The following CUL4B variants were observed in gnomAD, a reference collection of about 807,000 sequenced individuals.
CUL4B encodes cullin-4B.
A neutral mutation model predicts 69.2 loss-of-function variants in CUL4B; 1 was observed. The observed-to-expected ratio is 0.01, with a 90% CI of 0.01 to 0.07. The LOEUF (loss-of-function observed/expected upper bound fraction) is 0.07. Ranked by LOEUF, CUL4B falls within the 10% of genes least tolerant of loss-of-function variation. The pLI, the probability that CUL4B is intolerant of heterozygous loss-of-function variation, is 1.00. For missense variants in CUL4B, 328 were observed against 638.8 expected (o/e 0.51, Z 5.24); for synonymous variants, 237 against 223.2 (o/e 1.06, Z -0.55).
At chrX:120,569,551 G>A (rs920108774), downstream of CUL4B, among the ~76,000 whole-genome samples, 29 of 110,600 alleles carry the variant, frequency 2.6e-4, no homozygotes, top group Non-Finnish European at 5.1e-4. Flanking sequence ...TAGTAGAGAC[G>A]GGGTTTCACC....
chrX:120,551,287 C>G (rs778416837), intron 2 of CUL4B, among the ~76,000 whole-genome samples: 1 of 110,266 alleles, frequency 9.1e-6, no homozygotes, highest in South Asian at 3.9e-4. Context: ...CAACCTCTGC[C>G]TCCAGGTTCC....
chrX:120,556,066 C>G (rs1419246028), intron 2 of CUL4B, among the ~76,000 whole-genome samples: 1 of 109,528 alleles, frequency 9.1e-6, no homozygotes, highest in Non-Finnish European at 1.9e-5. Context: ...ATGGACACCA[C>G]AAAGAAAAAA....
At chrX:120,559,691 C>T in intron 1 of CUL4B, 1 of 720,917 alleles carries the variant, frequency 1.4e-6, no homozygotes, top group Non-Finnish European at 1.9e-6. Context: ...ATGTGGCCTA[C>T]TGAAGCATAA....
downstream of CUL4B, among the ~76,000 whole-genome samples, chrX:120,566,491 G>A (rs987977633): frequency 2.7e-4 from 28 of 102,777 alleles, no homozygotes; most frequent in African/African-American, 9.9e-4. Flanking sequence ...TCCACCTCCC[G>A]GGTTCAAGCG....
At chrX:120,559,051 T>C (rs1925138425) in intron 1 of CUL4B, among the ~76,000 whole-genome samples, 1 of 110,912 alleles carries the variant, frequency 9.0e-6, no homozygotes, top group Admixed American at 9.6e-5. Flanking sequence ...ACCATAGCCC[T>C]CTGCTTGAGA....
Position 120,528,646 on chromosome X carries a change from G to A in CUL4B, c.2592+1456C>T, listed in dbSNP as rs577862688. ...TGAGGCAAAAGAATTGCTTGAACCCGGGAGGCAGACGCTGCAGTGAGCCAA... is the reference window on the plus strand; with the variant it reads ...TGAGGCAAAAGAATTGCTTGAACCCAGGAGGCAGACGCTGCAGTGAGCCAA... On this transcript the variant is annotated intron_variant, in intron 19 of 19. Transcript: ENST00000371322. 4.5e-5 allele frequency among the ~76,000 whole-genome samples: 5 copies of A among 110,408 alleles called. No homozygotes were observed. In the South Asian group the frequency reaches 1.5e-3, roughly 34 times the overall value.
At chrX:120,561,446 G>A (rs1457746075), upstream of CUL4B, 1 of 542,022 alleles carries the variant, frequency 1.8e-6, no homozygotes, top group Non-Finnish European at 3.4e-6. Flanking sequence ...TTGAGTGGGG[G>A]GGGGAAGGGG....
intron 9 of CUL4B, 39 bp from the exon 10 acceptor site, chrX:120,541,759 C>T (rs1270623386): frequency 1.2e-6 from 1 of 824,179 alleles, no homozygotes; most frequent in East Asian, 3.2e-5. Context: ...ATATAGTGAA[C>T]AAAAAAGTGA....
At chrX:120,527,028 CA>C (rs1923010294) in intron 19 of CUL4B, among the ~76,000 whole-genome samples, 172 bp from the exon 20 acceptor site, 1 of 110,711 alleles carries the variant, frequency 9.0e-6, no homozygotes, top group Non-Finnish European at 1.9e-5. Flanking sequence ...GAAAATAAAC[CA>C]GGTTAAAAAA....
chrX:120,532,505 C>T lies in CUL4B; in HGVS notation c.2356G>A (p.Asp786Asn). The T allele has an allele frequency of 8.3e-7, 1 of 1,205,365 alleles. No individual in the cohort carries two copies. Among genetic ancestry groups the T allele is most frequent in the Admixed American group, 2.2e-5 (1 of 45,984 alleles). The change falls in exon 18 of 20, where the codon GAT becomes AAT. Residue 786 changes from aspartate to asparagine, a missense_variant. Physicochemically the swap from Asp to Asn is conservative, Grantham distance 23. Around this residue, in one of 4 missense-constraint regions of CUL4B, gnomAD observed 98 missense variants for 296.8 expected, o/e 0.33. Coordinates refer to ENST00000371322, the MANE Select transcript of CUL4B (RefSeq NM_001079872.2). ...AKNPKGKDIE[D>N]GDKFICNDDF... ...TCATTACAAATGAACTTGTCACCAT[C>T]TTCAATGTCTTTGCCCTTTGGATTT...
Position 120,560,167 on chromosome X carries a change from G to A in CUL4B, c.472C>T (p.Leu158=). 1 of 1,211,677 alleles carries A rather than the reference G, an allele frequency of 8.3e-7. No individual in the cohort carries two copies. The highest frequency in any genetic ancestry group is 1.8e-5 in the South Asian group (1 of 57,005). The part of the protein sequence containing the change: ...SVASVHHANG[L]AKSSTTVSSF... ...GAGACGGTGGTAGAAGATTTGGCTA[G>A]GCCGTTTGCATGATGCACCGAAGCC... The change falls in exon 1 of 20, where the codon CTA becomes TTA. Residue 158 remains leucine, a synonymous_variant. Coordinates refer to ENST00000371322, the MANE Select transcript of CUL4B (RefSeq NM_001079872.2).
rs143082577 is a variant in CUL4B, at chrX:120,573,606, C to A, written c.67+945G>T. Among the ~76,000 whole-genome samples the A allele has an allele frequency of 6.3e-3, 701 of 111,753 alleles. 6 individuals carry two copies. The highest frequency in any genetic ancestry group is 0.022 in the African/African-American group (663 of 30,721). ...CCATTAACTGCCCCATATCCTTAGCCACACTAAATTTTATCAAACCTTAAA... is the reference window on the plus strand; with the variant it reads ...CCATTAACTGCCCCATATCCTTAGCAACACTAAATTTTATCAAACCTTAAA... On this transcript the variant is annotated intron_variant, in intron 2 of 2. Coordinates refer to the CUL4B transcript ENST00000486604.
At chrX:120,574,497 C>A in intron 2 of CUL4B, 1 of 1,058,186 alleles carries the variant, frequency 9.5e-7, no homozygotes, top group Non-Finnish European at 1.3e-6. Flanking sequence ...CGCGCCCGGC[C>A]TGTTAACAAT....
chrX:120,566,449 G>A (rs1925551093), upstream of CUL4B, among the ~76,000 whole-genome samples: 1 of 98,058 alleles, frequency 1.0e-5, no homozygotes, highest in East Asian at 3.4e-4. Flanking sequence ...CCAGGCTAGA[G>A]TGCAATGGCA....
chrX:120,538,848 A>G, intron 12 of CUL4B, 78 bp from the exon 13 acceptor site: 1 of 608,264 alleles, frequency 1.6e-6, no homozygotes, highest in South Asian at 2.4e-5. Context: ...GCTTTAATAA[A>G]GCACACCATT....
At chrX:120,527,718 G>A (rs778324352) in intron 19 of CUL4B, among the ~76,000 whole-genome samples, 1 of 111,961 alleles carries the variant, frequency 8.9e-6, no homozygotes, top group African/African-American at 3.2e-5. Flanking sequence ...ACTGCAACCT[G>A]TCAAATGAGG....
intron 2 of CUL4B, among the ~76,000 whole-genome samples, chrX:120,573,971 G>C (rs929508824): frequency 9.2e-6 from 1 of 109,028 alleles, no homozygotes; most frequent in East Asian, 3.0e-4. Flanking sequence ...TTACAGGCGC[G>C]TGCCGTTACC....
intron 5 of CUL4B, among the ~76,000 whole-genome samples, 195 bp from the exon 6 acceptor site, chrX:120,544,838 C>T (rs967381586): frequency 8.9e-6 from 1 of 112,144 alleles, no homozygotes; most frequent in African/African-American, 3.2e-5. Flanking sequence ...ACTCATTTTG[C>T]CTTTACTGAG....
At chrX:120,566,488 C>G (rs1373280197), downstream of CUL4B, among the ~76,000 whole-genome samples, 1 of 103,026 alleles carries the variant, frequency 9.7e-6, no homozygotes, top group East Asian at 3.1e-4. Flanking sequence ...ACGTCCACCT[C>G]CCGGGTTCAA....
Sources: allele counts gnomAD v4.1 joint callset (sites outside exome capture counted in the v4.1 genomes callset), GRCh38; gene constraint gnomAD v4.1.1; regional missense constraint gnomAD v4.1.1; transcripts MANE v1.5; gene names NCBI Gene and HGNC (gene_info 2026-07-23, HGNC 2026-07-21).